CCSER1: variants seen among roughly 807,000 people sequenced by gnomAD.
CCSER1 encodes the protein serine-rich coiled-coil domain-containing protein 1.
A neutral mutation model predicts 82.0 loss-of-function variants in CCSER1; 41 were observed. That is an observed-to-expected ratio of 0.50 (90% confidence interval 0.39 to 0.65). The LOEUF is 0.65. CCSER1 is among the 30% of genes least tolerant of loss of function. The pLI is 0.00. For synonymous variants in CCSER1, 414 were observed against 383.9 expected, an observed-to-expected ratio of 1.08 and a Z score of -0.92; for missense variants, 1,119 against 1,064.2, an observed-to-expected ratio of 1.05 and a Z score of -0.72.
At chr4:91,228,055 G>C (rs534038177) in intron 10 of CCSER1, among the ~76,000 whole-genome samples, 2 of 151,888 alleles carry the variant, frequency 1.3e-5, no homozygotes, top group Admixed American at 6.6e-5. Context: ...AACCACTCTT[G>C]TACTTGACCA....
At chr4:90,180,899 T>C (rs1475928300) in intron 1 of CCSER1, among the ~76,000 whole-genome samples, 1 of 152,198 alleles carries the variant, frequency 6.6e-6, no homozygotes, top group Non-Finnish European at 1.5e-5. Flanking sequence ...TACTAGACTA[T>C]ACGAGTTTGA....
chr4:90,912,634 C>T (rs62312309), intron 8 of CCSER1, among the ~76,000 whole-genome samples: 32 of 152,266 alleles, frequency 2.1e-4, no homozygotes, highest in South Asian at 4.1e-4. Context: ...CAAAGCTGGA[C>T]GGAGAACGAC....
chr4:90,324,664 CTTTAG>C (rs1166708778), intron 3 of CCSER1, among the ~76,000 whole-genome samples: 2 of 151,362 alleles, frequency 1.3e-5, no homozygotes, highest in Non-Finnish European at 3.0e-5. Context: ...TGCAGAAGCT[CTTTAG>C]TTTAATTAGA....
intron 9 of CCSER1, among the ~76,000 whole-genome samples, chr4:90,980,151 G>A (rs1735980221): frequency 6.6e-6 from 1 of 151,782 alleles, no homozygotes; most frequent in Admixed American, 6.6e-5. Context: ...TACTTAAAGG[G>A]CAAGACCCTT....
In CCSER1 at chr4:90,463,850, C is replaced by G. The variant is rs531064743; in HGVS notation, c.1604-4384C>G. Among the ~76,000 whole-genome samples, 7 of 151,976 alleles carry G rather than the reference C, an allele frequency of 4.6e-5. 2 individuals carry two copies. The highest frequency in any genetic ancestry group is 4.2e-4 in the South Asian group (2 of 4,794). ...AATTTTGCATGAAAGACAAAAATGC[C>G]TCTCTGATGAATCCTTAGTAGTTTT... On this transcript the variant is annotated intron_variant, in intron 4 of 10. Coordinates refer to ENST00000509176, the MANE Select transcript of CCSER1 (RefSeq NM_001145065.2).
At chr4:90,377,460 G>A (rs1030077429) in intron 3 of CCSER1, among the ~76,000 whole-genome samples, 12 of 152,136 alleles carry the variant, frequency 7.9e-5, no homozygotes, top group African/African-American at 2.9e-4. Context: ...TAAACTGTAT[G>A]TAATATGTGC....
chr4:90,699,294 T>C (rs1737570954), intron 6 of CCSER1, among the ~76,000 whole-genome samples: 1 of 151,814 alleles, frequency 6.6e-6, no homozygotes, highest in Non-Finnish European at 1.5e-5. Context: ...CAAAATCCCG[T>C]CTCTACTAAA....
At chr4:90,391,917 G>T (rs767896776) in intron 3 of CCSER1, among the ~76,000 whole-genome samples, 1 of 151,852 alleles carries the variant, frequency 6.6e-6, no homozygotes, top group Non-Finnish European at 1.5e-5. Context: ...TATAATTGAG[G>T]TATTTTATTG....
intron 4 of CCSER1, among the ~76,000 whole-genome samples, chr4:90,409,574 A>T (rs939253385): frequency 6.6e-6 from 1 of 152,220 alleles, no homozygotes; most frequent in African/African-American, 2.4e-5. Flanking sequence ...ACATACAAGC[A>T]AATGCTGAGA....
intron 6 of CCSER1, among the ~76,000 whole-genome samples, chr4:90,632,807 C>A (rs774402417): frequency 1.3e-5 from 2 of 152,102 alleles, no homozygotes; most frequent in Non-Finnish European, 2.9e-5. Context: ...TGCTTATATG[C>A]ATCTCTTCTT....
chr4:90,550,548 A>T (rs1777336326), intron 5 of CCSER1, among the ~76,000 whole-genome samples: 1 of 152,090 alleles, frequency 6.6e-6, no homozygotes, highest in South Asian at 2.1e-4. Flanking sequence ...ATTAATATAG[A>T]AAAATATATT....
chr4:90,951,521 T>C (rs1732909799), intron 9 of CCSER1, among the ~76,000 whole-genome samples: 1 of 152,122 alleles, frequency 6.6e-6, no homozygotes, highest in African/African-American at 2.4e-5. Context: ...TATTCTTCTT[T>C]ATACATTTCC....
intron 6 of CCSER1, among the ~76,000 whole-genome samples, chr4:90,665,252 C>T (rs1039610959): frequency 1.3e-5 from 2 of 151,710 alleles, no homozygotes; most frequent in African/African-American, 2.4e-5. Context: ...GTATTTTCTG[C>T]GCTTTGTGAC....
intron 10 of CCSER1, among the ~76,000 whole-genome samples, chr4:91,182,867 ACTC>A (rs964899075): frequency 1.3e-4 from 20 of 152,204 alleles, no homozygotes; most frequent in African/African-American, 7.2e-5. Flanking sequence ...TCGAGGATTA[ACTC>A]CTCCTGTAAA....
chr4:90,989,952 G>A (rs1177124754), intron 9 of CCSER1, among the ~76,000 whole-genome samples: 1 of 151,736 alleles, frequency 6.6e-6, no homozygotes, highest in East Asian at 1.9e-4. Flanking sequence ...CTTAGTTATT[G>A]TTTCTTCTGG....
At chr4:91,216,885 A>G (rs1737285734) in intron 10 of CCSER1, among the ~76,000 whole-genome samples, 1 of 152,192 alleles carries the variant, frequency 6.6e-6, no homozygotes, top group Non-Finnish European at 1.5e-5. Flanking sequence ...CACAAACAAT[A>G]TTGATATGAG....
At chr4:90,962,420 G>A (rs56057223) in intron 9 of CCSER1, among the ~76,000 whole-genome samples, 42,867 of 151,846 alleles carry the variant, frequency 0.28, 7,334 homozygotes, top group East Asian at 0.4. Context: ...AGCAATGAAA[G>A]AATATTATTT....
In CCSER1 at chr4:91,439,789, A is replaced by T. The variant is rs1451343586; in HGVS notation, c.2218-158783A>T. Among the ~76,000 whole-genome samples the T allele has an allele frequency of 2.6e-5, 4 of 152,158 alleles. No individual in the cohort carries two copies. In the East Asian group the frequency reaches 7.7e-4, roughly 29 times the overall value. ...GGAAGATCTACCAAGCAAATGGAAA[A>T]CAAAAAAAAGGCAGGGGTTGCAATC... is the stretch of plus-strand genomic sequence containing the variant. On this transcript the variant is annotated intron_variant, in intron 10 of 10. Coordinates refer to ENST00000509176, the MANE Select transcript of CCSER1 (RefSeq NM_001145065.2).
At chr4:90,195,788 G>A (rs193004049) in intron 1 of CCSER1, among the ~76,000 whole-genome samples, 23 of 152,166 alleles carry the variant, frequency 1.5e-4, no homozygotes, top group Admixed American at 9.8e-4. Context: ...ACTACGTTTG[G>A]CATTTTAGTC....
Sources: allele counts gnomAD v4.1 joint callset (sites outside exome capture counted in the v4.1 genomes callset), GRCh38; gene constraint gnomAD v4.1.1; transcripts MANE v1.5; gene names NCBI Gene and HGNC (gene_info 2026-07-23, HGNC 2026-07-21).